The following WWOX variants were observed in gnomAD, a reference collection of about 807,000 sequenced individuals.
The protein encoded by WWOX is WW domain containing oxidoreductase.
A neutral mutation model predicts 46.2 loss-of-function variants in WWOX; 69 were observed. That is an observed-to-expected ratio of 1.49 (90% confidence interval 1.23 to 1.82). The LOEUF is 1.82. Ranked by LOEUF, WWOX falls within the 40% of genes most tolerant of loss-of-function variation. The probability of loss-of-function intolerance (pLI) is 0.00; values close to 1 mark genes in which losing one functional copy is unlikely to be tolerated. For synonymous variants in WWOX, 359 were observed against 202.6 expected (o/e 1.77, Z -6.56); for missense variants, 919 against 542.6 (o/e 1.69, Z -6.89).
Position 78,710,063 on chromosome 16 carries a change from A to G in WWOX, c.1056+277311A>G, listed in dbSNP as rs371547777. Among the ~76,000 whole-genome samples, 26 of 151,974 alleles carry G rather than the reference A, an allele frequency of 1.7e-4. 3 individuals carry two copies. The highest frequency in any genetic ancestry group is 5.8e-4 in the African/African-American group (24 of 41,438). ...GCCTTTCTTACCAGCCTGGGCCAGGAGCAGTTGTTTATTTTCTGCTATTTC... is the reference window on the plus strand; with the variant it reads ...GCCTTTCTTACCAGCCTGGGCCAGGGGCAGTTGTTTATTTTCTGCTATTTC... On this transcript the variant is annotated intron_variant, in intron 8 of 8. Transcript: ENST00000566780.
intron 8 of WWOX, among the ~76,000 whole-genome samples, chr16:78,608,227 G>T (rs982330202): frequency 1.3e-5 from 2 of 152,226 alleles, no homozygotes; most frequent in Non-Finnish European, 2.9e-5. Flanking sequence ...ACAAAGAAAA[G>T]AACTGTGAAA....
At chr16:79,182,075 C>CCCTACCCCACCCCACCCCAT (rs2050923369) in intron 8 of WWOX, among the ~76,000 whole-genome samples, 2 of 151,408 alleles carry the variant, frequency 1.3e-5, no homozygotes, top group African/African-American at 4.9e-5. Flanking sequence ...AACATCCCCA[C>CCCTACCCCACCCCACCCCAT]CCTACCCAAA....
chr16:79,168,865 T>C (rs549825561), intron 8 of WWOX, among the ~76,000 whole-genome samples: 2 of 152,308 alleles, frequency 1.3e-5, no homozygotes, highest in African/African-American at 4.8e-5. Context: ...TCGAGTTCCT[T>C]AACATTTTTT....
At chr16:79,101,936 G>C (rs991919813) in intron 8 of WWOX, among the ~76,000 whole-genome samples, 6 of 150,390 alleles carry the variant, frequency 4.0e-5, no homozygotes, top group Admixed American at 4.0e-4. Flanking sequence ...TGAGATCCAA[G>C]CTAAACAATT....
intron 8 of WWOX, among the ~76,000 whole-genome samples, chr16:79,099,515 C>T (rs1034938312): frequency 6.6e-6 from 1 of 151,698 alleles, no homozygotes; most frequent in East Asian, 1.9e-4. Flanking sequence ...ACTATGCTGG[C>T]CAGTTTCTTT....
chr16:78,757,775 C>T (rs1380505444), intron 8 of WWOX, among the ~76,000 whole-genome samples: 7 of 151,718 alleles, frequency 4.6e-5, no homozygotes, highest in African/African-American at 1.2e-4. Context: ...TGACAGATAG[C>T]GACCTTCCTG....
intron 5 of WWOX, among the ~76,000 whole-genome samples, chr16:78,285,596 G>A (rs748751176): frequency 9.9e-5 from 15 of 152,182 alleles, no homozygotes; most frequent in Non-Finnish European, 1.9e-4. Context: ...CATTGCTGGG[G>A]GAAGATTTTG....
intron 8 of WWOX, chr16:79,202,700 C>T (rs1438406150): frequency 6.6e-6 from 1 of 152,166 alleles, no homozygotes; most frequent in African/African-American, 2.4e-5. Context: ...CAAACGAGTT[C>T]AAGTACATGC....
At chr16:79,025,597 C>G (rs1037819871) in intron 8 of WWOX, among the ~76,000 whole-genome samples, 5 of 152,062 alleles carry the variant, frequency 3.3e-5, no homozygotes, top group Non-Finnish European at 5.9e-5. Flanking sequence ...CCTCAGAGCC[C>G]CCAGAAGGAA....
rs376622174 is a variant in WWOX at position 78,104,231 on chromosome 16, A to AACACACACACACACACAC, written c.108-4169_108-4152dup. On this transcript the variant is annotated intron_variant, in intron 1 of 8. Coordinates refer to ENST00000566780, the MANE Select transcript of WWOX (RefSeq NM_016373.4). ...CCCTGCTAACTTACACTGTGCTCAA[A>AACACACACACACACACAC]ACACACACACACACACACACACACA... 3.3e-3 allele frequency among the ~76,000 whole-genome samples: 435 copies of AACACACACACACACACAC among 130,206 alleles called. 3 individuals are homozygous for AACACACACACACACACAC. Among genetic ancestry groups the AACACACACACACACACAC allele is most frequent in the African/African-American group, 0.01 (346 of 34,050 alleles). 85.4% of individuals were successfully genotyped at this position (130,206 alleles called of 152,430 possible).
chr16:78,746,614 G>A lies in WWOX; in HGVS notation c.1056+313862G>A, dbSNP rs145809888. Among the ~76,000 whole-genome samples the A allele has an allele frequency of 2.5e-3, 383 of 151,776 alleles. 4 individuals carry two copies. Among genetic ancestry groups the A allele is most frequent in the African/African-American group, 8.4e-3 (347 of 41,394 alleles). The stretch of plus-strand genomic sequence containing the variant: ...GCCTTGTAATTTTTTTTTTTCATGG[G>A]ATATTAGTCAACATGATGTGAGCAG... On this transcript the variant is annotated intron_variant, in intron 8 of 8. Coordinates refer to ENST00000566780, the MANE Select transcript of WWOX (RefSeq NM_016373.4).
At chr16:78,364,161 T>A (rs969231309) in intron 5 of WWOX, among the ~76,000 whole-genome samples, 1 of 152,182 alleles carries the variant, frequency 6.6e-6, no homozygotes, top group Admixed American at 6.5e-5. Context: ...CGACCCTGTT[T>A]GCAGCAAAGA....
intron 8 of WWOX, among the ~76,000 whole-genome samples, chr16:78,448,648 C>G (rs778374562): frequency 1.3e-5 from 2 of 152,158 alleles, no homozygotes; most frequent in Non-Finnish European, 2.9e-5. Flanking sequence ...ATCAGCTTCT[C>G]CACTAATGAG....
chr16:79,069,919 A>C lies in WWOX; in HGVS notation c.1057-141689A>C, dbSNP rs914127531. Among the ~76,000 whole-genome samples the C allele has an allele frequency of 2.6e-5, 4 of 152,224 alleles. No homozygotes were observed. In the South Asian group the frequency reaches 8.3e-4, roughly 32 times the overall value. ...TCAAATTTTTTCCCCCTCTATGACC[A>C]AAAAGTTACCCAAACCTTTGTGTCA... On this transcript the variant is annotated intron_variant, in intron 8 of 8. Transcript: ENST00000566780.
intron 5 of WWOX, among the ~76,000 whole-genome samples, chr16:78,314,714 T>TTTTG (rs2080326160): frequency 7.0e-6 from 1 of 142,040 alleles, no homozygotes; most frequent in African/African-American, 2.7e-5. Context: ...TTTTTTTTTT[T>TTTTG]TTTTTTTCTG....
chr16:79,012,320 C>T (rs1165727416), intron 8 of WWOX, among the ~76,000 whole-genome samples: 2 of 152,086 alleles, frequency 1.3e-5, no homozygotes, highest in African/African-American at 2.4e-5. Context: ...GCAACCTACA[C>T]TTCCTGGATT....
In WWOX at chr16:78,352,263, T is replaced by A. The variant is rs142129648; in HGVS notation, c.517-34597T>A. On this transcript the variant is annotated intron_variant, in intron 5 of 8. Transcript: ENST00000566780. ...TGTTACATAACTGTATTTTGTTTCC[T>A]ATCTCTGCTGTAATAAATTTTCTCA... 2.6e-3 allele frequency among the ~76,000 whole-genome samples: 392 copies of A among 152,356 alleles called. 1 individual carries two copies. The highest frequency in any genetic ancestry group is 0.014 in the Middle Eastern group (4 of 294).
intron 8 of WWOX, among the ~76,000 whole-genome samples, chr16:78,854,848 C>G (rs1329542361): frequency 6.6e-6 from 1 of 151,486 alleles, no homozygotes; most frequent in Non-Finnish European, 1.5e-5. Context: ...TCCCAAAGTG[C>G]TGGGATTAGA....
chr16:79,074,820 C>A (rs770817979), intron 8 of WWOX, among the ~76,000 whole-genome samples: 33 of 151,860 alleles, frequency 2.2e-4, no homozygotes, highest in Non-Finnish European at 3.7e-4. Flanking sequence ...CCATTCTGAA[C>A]TCAGAAAATG....
Sources: gnomAD v4.1 joint callset for allele counts (sites outside exome capture counted in the v4.1 genomes callset) on GRCh38, gnomAD v4.1.1 for gene constraint, MANE v1.5 for transcripts, NCBI Gene and HGNC (gene_info 2026-07-23, HGNC 2026-07-21) for gene names.